BAZ1B: variants seen among roughly 807,000 people sequenced by gnomAD.
BAZ1B encodes bromodomain adjacent to zinc finger domain 1B.
Under a neutral mutation model 153.8 loss-of-function variants are expected in BAZ1B, and 22 were observed. The observed-to-expected ratio is 0.14, with a 90% CI of 0.10 to 0.20. The LOEUF (loss-of-function observed/expected upper bound fraction) is 0.20. Among genes scored for constraint, BAZ1B ranks in the 10% least tolerant of loss-of-function variants. The pLI is 1.00. For missense variants in BAZ1B, 1,325 were observed against 1,799.3 expected (o/e 0.74, Z 4.77); for synonymous variants, 676 against 633.4 (o/e 1.07, Z -1.01).
At chr7:73,500,059 T>G (rs556218335) in intron 3 of BAZ1B, among the ~76,000 whole-genome samples, 3 of 152,068 alleles carry the variant, frequency 2.0e-5, no homozygotes, top group Non-Finnish European at 2.9e-5. Flanking sequence ...AGCAATTCTC[T>G]CGCCTCAGCC....
At chr7:73,506,642 G>C (rs184820180) in intron 3 of BAZ1B, among the ~76,000 whole-genome samples, 1 of 151,140 alleles carries the variant, frequency 6.6e-6, no homozygotes, top group African/African-American at 2.4e-5. Context: ...ACCCGAGGTC[G>C]AGAGTTCAAG....
intron 19 of BAZ1B, 45 bp downstream of exon 19, chr7:73,442,136 T>TAG: frequency 5.6e-5 from 32 of 573,470 alleles, no homozygotes; most frequent in East Asian, 9.0e-5. Context: ...CTCGCTCGCC[T>TAG]CCCTCCCACC....
chr7:73,498,420 A>T, intron 4 of BAZ1B, 77 bp downstream of exon 4: 2 of 1,371,990 alleles, frequency 1.5e-6, no homozygotes, highest in Non-Finnish European at 2.0e-6. Context: ...TAGTTGCTAG[A>T]GAACCCTAAA....
intron 1 of BAZ1B, among the ~76,000 whole-genome samples, chr7:73,515,278 G>A (rs17145717): frequency 0.041 from 6,192 of 152,166 alleles, 166 homozygotes; most frequent in Non-Finnish European, 0.064. Flanking sequence ...TTCCATAAGA[G>A]GATTTTTACA....
At chr7:73,500,903 A>G (rs1412723515) in intron 3 of BAZ1B, among the ~76,000 whole-genome samples, 1 of 151,250 alleles carries the variant, frequency 6.6e-6, no homozygotes, top group African/African-American at 2.4e-5. Context: ...AAAAAAAAAA[A>G]AAACAGAGTT....
chr7:73,466,044 GATCT>G (rs1450987870), intron 10 of BAZ1B, among the ~76,000 whole-genome samples: 1 of 151,918 alleles, frequency 6.6e-6, no homozygotes, highest in African/African-American at 2.4e-5. Flanking sequence ...TGCTATATAA[GATCT>G]ATCACATAAT....
intron 6 of BAZ1B, among the ~76,000 whole-genome samples, chr7:73,483,592 A>G (rs540864555): frequency 6.6e-6 from 1 of 152,092 alleles, no homozygotes; most frequent in South Asian, 2.1e-4. Flanking sequence ...CAACAATATA[A>G]TTTACCTTTT....
chr7:73,514,350 G>A (rs1169873464), intron 1 of BAZ1B, among the ~76,000 whole-genome samples: 1 of 152,128 alleles, frequency 6.6e-6, no homozygotes, highest in Admixed American at 6.6e-5. Context: ...GGCCAACATG[G>A]TGAAACCCCC....
intron 13 of BAZ1B, among the ~76,000 whole-genome samples, chr7:73,459,317 C>T (rs1414673473): frequency 1.6e-4 from 24 of 150,866 alleles, no homozygotes; most frequent in African/African-American, 5.6e-4. Context: ...CTGTGACCAT[C>T]ACCCAATGAC....
chr7:73,489,626 G>A (rs565033533), intron 5 of BAZ1B, among the ~76,000 whole-genome samples: 1 of 152,228 alleles, frequency 6.6e-6, no homozygotes, highest in East Asian at 1.9e-4. Context: ...ATCGACCTGG[G>A]CAATATAACA....
chr7:73,445,405 T>C (rs918154282), intron 16 of BAZ1B, among the ~76,000 whole-genome samples: 11 of 152,110 alleles, frequency 7.2e-5, no homozygotes, highest in African/African-American at 1.2e-4. Context: ...GTCTGAAAGA[T>C]AGAGTTGACA....
Position 73,493,752 on chromosome 7 carries a change from T to C in BAZ1B, c.572-831A>G, listed in dbSNP as rs1554575995. On this transcript the variant is annotated intron_variant, in intron 4 of 19. Coordinates refer to ENST00000339594, the MANE Select transcript of BAZ1B (RefSeq NM_032408.4). The stretch of plus-strand genomic sequence containing the variant: ...AGCAACTTGGGCGGCTAGGGTAGGA[T>C]GGCTTGAGCCTGGGAGGTCAGGGCT... Among the ~76,000 whole-genome samples the C allele has an allele frequency of 2.0e-5, 3 of 148,488 alleles. No individual in the cohort carries two copies. In the East Asian group the frequency reaches 6.0e-4, roughly 30 times the overall value.
intron 5 of BAZ1B, 108 bp downstream of exon 5, chr7:73,492,692 G>C: frequency 8.8e-7 from 1 of 1,136,286 alleles, no homozygotes; most frequent in Non-Finnish European, 1.2e-6. Context: ...AGAATCTGCT[G>C]TACATTCATT....
Position 73,478,397 on chromosome 7 carries a change from T to C in BAZ1B, c.1064A>G (p.Asn355Ser). 6.2e-7 allele frequency: 1 copy of C among 1,612,386 alleles called. No individual in the cohort carries two copies. The highest frequency in any genetic ancestry group is 2.2e-5 in the East Asian group (1 of 44,872). ...SLSGSPLKVKNSKNSKSPEEH... is the reference protein window; with the variant it reads ...SLSGSPLKVKSSKNSKSPEEH... ...TTCAGGAGATTTGGAATTCTTTGAG[T>C]TCTTCACTTTGAGTGGCGAGCCACT... Residue 355 changes from asparagine (N) to serine (S), a missense_variant, in exon 7 of 20, where the codon AAC (asparagine) becomes AGC (serine). By Grantham distance (46) the Asn-to-Ser change is conservative. This residue lies in a region of BAZ1B where 219 missense variants were observed against 248.2 expected (regional missense o/e 0.88). Transcript: ENST00000339594.
In BAZ1B at chr7:73,508,382, G is replaced by T. The variant is rs868933339; in HGVS notation, c.314C>A (p.Thr105Asn). ...NTASLEKLVD[T>N]AWLEIMTKYA... is the part of the protein sequence containing the mutation. ...TTTGGTCATGATCTCCAACCAAGCAGTATCTACTAACTTCTCTAAGGAGGC... is the reference window on the plus strand; with the variant it reads ...TTTGGTCATGATCTCCAACCAAGCATTATCTACTAACTTCTCTAAGGAGGC... Residue 105 changes from threonine to asparagine, a missense_variant, in exon 3 of 20, where the codon ACT (threonine) becomes AAT (asparagine). Thr to Asn is a moderately conservative substitution (Grantham distance 65). Transcript: ENST00000339594. 8.1e-6 allele frequency: 13 copies of T among 1,614,050 alleles called. No homozygotes were observed. In the Middle Eastern group the frequency reaches 6.6e-4, roughly 82 times the overall value.
chr7:73,508,292 A>G (rs1024571144), intron 3 of BAZ1B, 35 bp downstream of exon 3: 1 of 1,603,434 alleles, frequency 6.2e-7, no homozygotes. Context: ...TCTAATTCTG[A>G]TGGTAAGTCA....
intron 13 of BAZ1B, among the ~76,000 whole-genome samples, chr7:73,453,027 T>A (rs1251508915): frequency 6.6e-6 from 1 of 152,168 alleles, no homozygotes; most frequent in Non-Finnish European, 1.5e-5. Context: ...AAAAGAGATT[T>A]GAGAGACAAT....
intron 13 of BAZ1B, among the ~76,000 whole-genome samples, chr7:73,454,746 T>C (rs1444492480): frequency 1.3e-5 from 2 of 152,308 alleles, no homozygotes; most frequent in East Asian, 3.9e-4. Flanking sequence ...GCCCTGGGTA[T>C]CCCTCACAGT....
At chr7:73,460,378 A>G (rs990991267) in intron 12 of BAZ1B, among the ~76,000 whole-genome samples, 7 of 152,210 alleles carry the variant, frequency 4.6e-5, no homozygotes, top group Non-Finnish European at 8.8e-5. Context: ...AAGTAAAATA[A>G]AAATTCACTG....
Sources: gnomAD v4.1 joint callset for allele counts (sites outside exome capture counted in the v4.1 genomes callset) on GRCh38, gnomAD v4.1.1 for gene constraint, gnomAD v4.1.1 regional missense constraint, MANE v1.5 for transcripts, NCBI Gene and HGNC (gene_info 2026-07-23, HGNC 2026-07-21) for gene names.